The following PPFIA2 variants were observed in gnomAD, a reference collection of about 807,000 sequenced individuals.
PPFIA2 encodes the protein PPFI scaffold protein A2.
A neutral mutation model predicts 175.5 loss-of-function variants in PPFIA2; 46 were observed. The observed-to-expected ratio is 0.26, with a 90% CI of 0.21 to 0.34. PPFIA2 has a LOEUF of 0.34. Ranked by LOEUF, PPFIA2 falls within the 10% of genes least tolerant of loss-of-function variation. PPFIA2 has a pLI of 1.00. For missense variants in PPFIA2, 1,179 were observed against 1,506.1 expected (o/e 0.78, Z 3.60); for synonymous variants, 568 against 511.4 (o/e 1.11, Z -1.49).
chr12:81,267,372 A>G (rs895189342), intron 29 of PPFIA2: 10 of 362,882 alleles, frequency 2.8e-5, no homozygotes, highest in African/African-American at 2.2e-4. Flanking sequence ...TATTGAATCT[A>G]TGTAGGTAGT....
intron 5 of PPFIA2, among the ~76,000 whole-genome samples, chr12:81,455,498 T>G (rs1206226680): frequency 6.6e-6 from 1 of 152,222 alleles, no homozygotes; most frequent in Non-Finnish European, 1.5e-5. Context: ...GTTATTGTTA[T>G]TTTAAAGGAA....
intron 4 of PPFIA2, among the ~76,000 whole-genome samples, chr12:81,491,828 A>G (rs1160480417): frequency 6.6e-6 from 1 of 152,006 alleles, no homozygotes; most frequent in Non-Finnish European, 1.5e-5. Context: ...GCCCTAAACC[A>G]AAATGTCTAA....
intron 3 of PPFIA2, among the ~76,000 whole-genome samples, chr12:81,694,646 A>G (rs2075679409): frequency 6.6e-6 from 1 of 152,130 alleles, no homozygotes; most frequent in Non-Finnish European, 1.5e-5. Context: ...TCCAATGGGA[A>G]AAGTTGGATT....
At position 81,353,181 on chromosome 12, in the gene PPFIA2, G is replaced by C. The variant is rs778364645; in HGVS notation, c.1932C>G (p.Ser644=). ...GCATCATGGCTAGCGTCTGGGCATC[G>C]GAATGACCACTTGGAGAGAGAAGAT... ...SMDLLSPSGH[S]DAQTLAMMLQ... The change falls in exon 17 of 33, where the codon TCC becomes TCG. Residue 644 remains serine (S), a synonymous_variant. Coordinates refer to ENST00000549396, the MANE Select transcript of PPFIA2 (RefSeq NM_003625.5). The C allele has an allele frequency of 6.2e-7, 1 of 1,613,622 alleles. No homozygotes were observed. The highest frequency in any genetic ancestry group is 1.3e-5 in the African/African-American group (1 of 74,862).
chr12:81,578,595 C>T (rs149860919), intron 4 of PPFIA2, among the ~76,000 whole-genome samples: 1 of 151,684 alleles, frequency 6.6e-6, no homozygotes, highest in Non-Finnish European at 1.5e-5. Flanking sequence ...TATAGAAAGG[C>T]TAATACTTAG....
Position 81,445,581 on chromosome 12 carries a change from TCAAA to T in PPFIA2, c.541_544del (p.Phe181SerfsTer10), listed in dbSNP as rs1400362499. 1 of 1,613,842 alleles carries T rather than the reference TCAAA, an allele frequency of 6.2e-7. No homozygotes were observed. The highest frequency in any genetic ancestry group is 1.7e-5 in the Admixed American group (1 of 60,010). ...CTTTTCATCCAAGGCCTTGTGGTGCTCAAACAAAGATTTCAGTGCCTTGAGAACT... is the reference window on the plus strand; with the variant it reads ...CTTTTCATCCAAGGCCTTGTGGTGCTCAAAGATTTCAGTGCCTTGAGAACT... On this transcript the variant is annotated frameshift_variant, in exon 6 of 33. Coordinates refer to ENST00000549396, the MANE Select transcript of PPFIA2 (RefSeq NM_003625.5). LOFTEE classifies it high-confidence loss of function.
At chr12:81,663,011 G>C (rs550922276) in intron 4 of PPFIA2, among the ~76,000 whole-genome samples, 1 of 152,164 alleles carries the variant, frequency 6.6e-6, no homozygotes, top group African/African-American at 2.4e-5. Flanking sequence ...AGCCCTTCAT[G>C]CTAAAAACTC....
At chr12:81,276,458 A>G (rs1419975531) in intron 28 of PPFIA2, among the ~76,000 whole-genome samples, 1 of 152,058 alleles carries the variant, frequency 6.6e-6, no homozygotes, top group Non-Finnish European at 1.5e-5. Context: ...CCAATCATGT[A>G]TTTTTTTCCT....
At chr12:81,696,635 C>A (rs2153595978) in intron 3 of PPFIA2, among the ~76,000 whole-genome samples, 1 of 152,156 alleles carries the variant, frequency 6.6e-6, no homozygotes, top group South Asian at 2.1e-4. Flanking sequence ...TATACTCATC[C>A]TGTGCATAAT....
chr12:81,333,330 T>G (rs942093000), intron 21 of PPFIA2, among the ~76,000 whole-genome samples: 1 of 152,194 alleles, frequency 6.6e-6, no homozygotes, highest in African/African-American at 2.4e-5. Flanking sequence ...AGAACAACTC[T>G]TCAAATGTTG....
intron 7 of PPFIA2, chr12:81,431,296 A>T (rs1259315512): frequency 6.6e-6 from 1 of 152,190 alleles, no homozygotes; most frequent in Non-Finnish European, 1.5e-5. Flanking sequence ...GATGTAATCT[A>T]TTTATTACCC....
chr12:81,661,829 C>T (rs542142535), intron 4 of PPFIA2, among the ~76,000 whole-genome samples: 1 of 152,132 alleles, frequency 6.6e-6, no homozygotes, highest in East Asian at 1.9e-4. Context: ...TCTAAAAGAA[C>T]AGAAATTATA....
intron 5 of PPFIA2, among the ~76,000 whole-genome samples, chr12:81,455,985 A>G (rs1245909229): frequency 6.6e-6 from 1 of 152,226 alleles, no homozygotes; most frequent in African/African-American, 2.4e-5. Context: ...GAACCTACAC[A>G]GCTAATAAAA....
Position 81,268,093 on chromosome 12 carries a change from A to T in PPFIA2, c.3311-6T>A, listed in dbSNP as rs1221275333. 2.5e-6 allele frequency: 4 copies of T among 1,574,370 alleles called. No individual in the cohort carries two copies. Among genetic ancestry groups the T allele is most frequent in the Non-Finnish European group, 3.5e-6 (4 of 1,157,700 alleles). On this transcript the variant is annotated splice_polypyrimidine_tract_variant and splice_region_variant and intron_variant, in intron 28 of 32. Transcript: ENST00000549396. ...ATTGCTCCACACCAACACGTCTAGG[A>T]AAAGAGATGCATCATTTTAGGATGC...
At chr12:81,613,843 T>C (rs1251921796) in intron 4 of PPFIA2, among the ~76,000 whole-genome samples, 2 of 152,156 alleles carry the variant, frequency 1.3e-5, no homozygotes, top group East Asian at 3.8e-4. Flanking sequence ...AGTTGCATTT[T>C]AATATTAATT....
intron 4 of PPFIA2, 51 bp downstream of exon 4, chr12:81,676,740 G>T: frequency 1.5e-6 from 2 of 1,348,494 alleles, no homozygotes; most frequent in South Asian, 1.4e-5. Flanking sequence ...AATCTGGTGT[G>T]TACACAATTC....
intron 4 of PPFIA2, among the ~76,000 whole-genome samples, chr12:81,574,898 T>C (rs1355188827): frequency 2.0e-5 from 3 of 151,786 alleles, no homozygotes; most frequent in Admixed American, 6.6e-5. Flanking sequence ...AAAAAGACTT[T>C]GATTTTTCTC....
chr12:81,643,115 T>C (rs1327495462), intron 4 of PPFIA2, among the ~76,000 whole-genome samples: 1 of 149,966 alleles, frequency 6.7e-6, no homozygotes, highest in African/African-American at 2.4e-5. Context: ...ATATTCATTT[T>C]ATTCTTAAAA....
intron 4 of PPFIA2, among the ~76,000 whole-genome samples, chr12:81,660,172 C>A (rs908059299): frequency 6.6e-6 from 1 of 152,162 alleles, no homozygotes; most frequent in African/African-American, 2.4e-5. Context: ...CAGCTCCTCA[C>A]CAGCAACGGA....
Sources: gnomAD v4.1 joint callset for allele counts (sites outside exome capture counted in the v4.1 genomes callset) on GRCh38, gnomAD v4.1.1 for gene constraint, MANE v1.5 for transcripts, NCBI Gene and HGNC (gene_info 2026-07-23, HGNC 2026-07-21) for gene names.